Variants in LRMDA observed in about 807,000 individuals in gnomAD.
LRMDA encodes leucine-rich melanocyte differentiation-associated protein.
Under a neutral mutation model 29.8 loss-of-function variants are expected in LRMDA, and 18 were observed. The ratio of observed to expected loss-of-function variants is 0.60; its 90% confidence interval spans 0.42 to 0.90. The LOEUF (loss-of-function observed/expected upper bound fraction) is 0.90, where lower values mean the gene tolerates loss of function less well. LRMDA is among the 40% of genes least tolerant of loss of function. The pLI is 0.00. For missense variants in LRMDA, 273 were observed against 273.9 expected, an observed-to-expected ratio of 1.00 and a Z score of 0.02; for synonymous variants, 125 against 109.4, an observed-to-expected ratio of 1.14 and a Z score of -0.89.
intron 3 of LRMDA, among the ~76,000 whole-genome samples, chr10:76,040,507 A>G (rs1189397294): frequency 2.0e-5 from 3 of 151,754 alleles, no homozygotes; most frequent in African/African-American, 7.3e-5. Flanking sequence ...TCTTTGTTTC[A>G]TTGAGACTGG....
intron 2 of LRMDA, among the ~76,000 whole-genome samples, chr10:75,560,761 CA>C (rs1023145035): frequency 2.6e-5 from 4 of 151,866 alleles, no homozygotes; most frequent in African/African-American, 7.2e-5. Flanking sequence ...TGAATTTTGT[CA>C]AAGGCCTTTT....
chr10:76,290,314 G>A (rs1356693683), intron 5 of LRMDA, among the ~76,000 whole-genome samples: 1 of 151,230 alleles, frequency 6.6e-6, no homozygotes, highest in Non-Finnish European at 1.5e-5. Context: ...TTAAGACTGA[G>A]TTGAAAAGCA....
intron 5 of LRMDA, among the ~76,000 whole-genome samples, chr10:76,158,020 T>G (rs1234240079): frequency 6.6e-6 from 1 of 152,206 alleles, no homozygotes; most frequent in Non-Finnish European, 1.5e-5. Context: ...TATAATCCTA[T>G]GGGACCACCA....
At chr10:76,446,143 T>C (rs1401305782) in intron 6 of LRMDA, among the ~76,000 whole-genome samples, 1 of 152,194 alleles carries the variant, frequency 6.6e-6, no homozygotes, top group African/African-American at 2.4e-5. Flanking sequence ...TACTATACCT[T>C]TTAACAATGT....
intron 6 of LRMDA, chr10:76,437,437 G>C (rs1842256871): frequency 1.3e-5 from 2 of 152,178 alleles, no homozygotes; most frequent in African/African-American, 4.8e-5. Context: ...TTATTGTTTT[G>C]TTTTGATTGT....
intron 2 of LRMDA, among the ~76,000 whole-genome samples, chr10:75,558,013 T>C (rs1840236729): frequency 6.6e-6 from 1 of 152,120 alleles, no homozygotes; most frequent in Non-Finnish European, 1.5e-5. Context: ...GTTTCGTAGT[T>C]CTCTGATGAG....
intron 5 of LRMDA, among the ~76,000 whole-genome samples, chr10:76,174,303 T>A (rs990312467): frequency 6.6e-6 from 1 of 150,674 alleles, no homozygotes; most frequent in Non-Finnish European, 1.5e-5. Context: ...AAAAATTAAT[T>A]TAATTAAAAA....
chr10:75,623,756 A>G (rs1306143416), intron 2 of LRMDA, among the ~76,000 whole-genome samples: 1 of 152,212 alleles, frequency 6.6e-6, no homozygotes, highest in Non-Finnish European at 1.5e-5. Flanking sequence ...CAGATTTGCA[A>G]ATTTGTAAGA....
chr10:75,754,682 A>T (rs1843008962), intron 2 of LRMDA, among the ~76,000 whole-genome samples: 1 of 152,174 alleles, frequency 6.6e-6, no homozygotes, highest in Non-Finnish European at 1.5e-5. Flanking sequence ...AAACATTTTC[A>T]ACTCAGCATT....
intron 2 of LRMDA, among the ~76,000 whole-genome samples, chr10:75,599,525 T>C (rs1209593540): frequency 2.0e-5 from 3 of 152,136 alleles, no homozygotes; most frequent in African/African-American, 7.2e-5. Context: ...GATGGTCTTA[T>C]GGTGAGTATG....
chr10:75,528,477 T>A (rs1266819696), intron 2 of LRMDA, among the ~76,000 whole-genome samples: 3 of 152,198 alleles, frequency 2.0e-5, no homozygotes, highest in Non-Finnish European at 4.4e-5. Flanking sequence ...TTTGCCTCCT[T>A]GGCTGTTACG....
At chr10:76,025,740 CAAAAGATTAGAATTCAT>C (rs2132495969) in intron 2 of LRMDA, among the ~76,000 whole-genome samples, 1 of 152,300 alleles carries the variant, frequency 6.6e-6, no homozygotes, top group Admixed American at 6.5e-5. Flanking sequence ...AGCAGATGCT[CAAAAGATTAGAATTCAT>C]TTGCATTGAG....
intron 2 of LRMDA, among the ~76,000 whole-genome samples, chr10:75,510,322 C>T (rs898151508): frequency 6.6e-6 from 1 of 152,200 alleles, no homozygotes; most frequent in Non-Finnish European, 1.5e-5. Flanking sequence ...GAAGAACTGG[C>T]TGACTCTGAA....
At chr10:76,483,616 G>A (rs1842754011) in intron 6 of LRMDA, among the ~76,000 whole-genome samples, 1 of 151,632 alleles carries the variant, frequency 6.6e-6, no homozygotes, top group Admixed American at 6.6e-5. Context: ...GCCTTAGTGT[G>A]TGAGATCAAA....
chr10:76,143,659 G>A (rs1300218567), intron 5 of LRMDA, among the ~76,000 whole-genome samples: 2 of 152,138 alleles, frequency 1.3e-5, no homozygotes, highest in African/African-American at 2.4e-5. Flanking sequence ...TCACTCTGAT[G>A]GTAGTTTGTT....
intron 5 of LRMDA, among the ~76,000 whole-genome samples, chr10:76,116,786 T>C (rs1244309847): frequency 1.3e-5 from 2 of 152,076 alleles, no homozygotes; most frequent in Non-Finnish European, 2.9e-5. Flanking sequence ...GGAAACTGGT[T>C]TGTATTGAGT....
In LRMDA at chr10:75,431,769, GC is replaced by G; in HGVS notation, c.30+19del. Reference sequence around the variant, plus strand: ...GTGGAACTCAAGTAAGTCCCGGCCAGCCCCGCCTCCGCCCGGGGCGCAGTCC... The same window carrying G: ...GTGGAACTCAAGTAAGTCCCGGCCAGCCCGCCTCCGCCCGGGGCGCAGTCC... On this transcript the variant is annotated intron_variant, in intron 1 of 6. Coordinates refer to ENST00000611255, the MANE Select transcript of LRMDA (RefSeq NM_001305581.2). 1 of 1,359,512 alleles carries G rather than the reference GC, an allele frequency of 7.4e-7. No individual in the cohort carries two copies. The highest frequency in any genetic ancestry group is 2.8e-5 in the Admixed American group (1 of 35,782). 84.2% of individuals were successfully genotyped at this position (1,359,512 alleles called of 1,614,324 possible). A position where few individuals can be genotyped will look rare whatever the true frequency, so the allele number is the denominator to read the frequency against.
chr10:76,348,268 C>T (rs1306276630), intron 6 of LRMDA, among the ~76,000 whole-genome samples: 4 of 152,180 alleles, frequency 2.6e-5, no homozygotes, highest in African/African-American at 7.2e-5. Flanking sequence ...AGCAAAGGGC[C>T]TGGGGGCTCC....
chr10:76,380,632 G>A (rs567902303), intron 6 of LRMDA, among the ~76,000 whole-genome samples: 2 of 140,936 alleles, frequency 1.4e-5, no homozygotes, highest in Admixed American at 1.5e-4. Flanking sequence ...TTGCACCACT[G>A]CACTCCAGCC....
Sources: gnomAD v4.1 joint callset for allele counts (sites outside exome capture counted in the v4.1 genomes callset) on GRCh38, gnomAD v4.1.1 for gene constraint, MANE v1.5 for transcripts, NCBI Gene and HGNC (gene_info 2026-07-23, HGNC 2026-07-21) for gene names.